DAB1: variants seen among roughly 807,000 people sequenced by gnomAD.
DAB1 encodes the protein disabled homolog 1.
DAB1 carries 15 observed loss-of-function variants against 64.6 expected under a neutral mutation model. The observed-to-expected ratio is 0.23, with a 90% CI of 0.16 to 0.36. The LOEUF (loss-of-function observed/expected upper bound fraction) is 0.36, where lower values mean the gene tolerates loss of function less well. Ranked by LOEUF, DAB1 falls within the 10% of genes least tolerant of loss-of-function variation. DAB1 has a pLI of 1.00. For synonymous variants in DAB1, 235 were observed against 251.9 expected (o/e 0.93, Z 0.64); for missense variants, 596 against 706.7 (o/e 0.84, Z 1.78).
intron 3 of DAB1, among the ~76,000 whole-genome samples, chr1:58,417,434 G>A (rs984414616): frequency 1.3e-5 from 2 of 152,200 alleles, no homozygotes; most frequent in Non-Finnish European, 2.9e-5. Context: ...AGAGAATCTG[G>A]TTGCCTAGTT....
chr1:57,595,020 C>T (rs1645490338), intron 7 of DAB1, among the ~76,000 whole-genome samples: 2 of 152,098 alleles, frequency 1.3e-5, no homozygotes, highest in Non-Finnish European at 2.9e-5. Flanking sequence ...GGAAAAATCA[C>T]AATTCTAACA....
At chr1:57,896,050 T>C (rs1345326775) in intron 5 of DAB1, among the ~76,000 whole-genome samples, 1 of 152,166 alleles carries the variant, frequency 6.6e-6, no homozygotes, top group Non-Finnish European at 1.5e-5. Flanking sequence ...ACTTTGGTAT[T>C]GACAGAGCCA....
At chr1:57,275,863 G>T (rs1373878607) in intron 2 of DAB1, among the ~76,000 whole-genome samples, 2 of 152,148 alleles carry the variant, frequency 1.3e-5, no homozygotes, top group African/African-American at 4.8e-5. Flanking sequence ...TCCGTTCAAG[G>T]ATGAAAATAG....
intron 1 of DAB1, among the ~76,000 whole-genome samples, chr1:57,879,490 A>G (rs760738844): frequency 7.9e-5 from 12 of 152,176 alleles, no homozygotes; most frequent in Non-Finnish European, 1.6e-4. Flanking sequence ...AAATACAGTG[A>G]GTATGCGATT....
intron 1 of DAB1, among the ~76,000 whole-genome samples, chr1:57,354,452 C>T (rs1678894358): frequency 6.6e-6 from 1 of 152,014 alleles, no homozygotes; most frequent in African/African-American, 2.4e-5. Flanking sequence ...AGTAGTATGA[C>T]ATCTTCAATG....
intron 3 of DAB1, among the ~76,000 whole-genome samples, chr1:58,490,795 CTTTTTTTTTTTTTTTT>C (rs148145860): frequency 8.4e-5 from 5 of 59,244 alleles, no homozygotes; most frequent in Non-Finnish European, 1.5e-4. Context: ...AGTCAACATT[CTTTTTTTTTTTTTTTT>C]TTTTTTTTTT....
At chr1:57,926,163 T>C (rs1231019652) in intron 5 of DAB1, among the ~76,000 whole-genome samples, 1 of 152,164 alleles carries the variant, frequency 6.6e-6, no homozygotes, top group African/African-American at 2.4e-5. Flanking sequence ...GCCAAATCAC[T>C]TAATGTTCTT....
chr1:57,925,076 T>A (rs2102028501), intron 5 of DAB1, among the ~76,000 whole-genome samples: 1 of 152,326 alleles, frequency 6.6e-6, no homozygotes, highest in South Asian at 2.1e-4. Context: ...TACAGAATAA[T>A]GGGCTCAAAA....
At chr1:57,125,695 C>T (rs1657073381) in intron 4 of DAB1, among the ~76,000 whole-genome samples, 1 of 152,102 alleles carries the variant, frequency 6.6e-6, no homozygotes, top group African/African-American at 2.4e-5. Flanking sequence ...TATACACAAG[C>T]TTTAATACAT....
chr1:58,405,335 T>G (rs776423530), intron 3 of DAB1, among the ~76,000 whole-genome samples: 6 of 152,172 alleles, frequency 3.9e-5, no homozygotes, highest in Non-Finnish European at 8.8e-5. Flanking sequence ...CTTATCTTCT[T>G]TCAGAGCACT....
intron 14 of DAB1, among the ~76,000 whole-genome samples, chr1:57,008,668 T>G (rs902873739): frequency 6.6e-6 from 1 of 152,214 alleles, no homozygotes; most frequent in Non-Finnish European, 1.5e-5. Context: ...GATGCTGAAC[T>G]CAAACAATGT....
intron 5 of DAB1, among the ~76,000 whole-genome samples, chr1:58,025,065 C>T (rs370811088): frequency 7.7e-4 from 117 of 151,826 alleles, no homozygotes; most frequent in African/African-American, 2.7e-3. Flanking sequence ...TCTCTCTCTC[C>T]CCTTTCCCTC....
chr1:58,462,453 G>A (rs1484163957), intron 3 of DAB1: 3 of 152,104 alleles, frequency 2.0e-5, no homozygotes, highest in African/African-American at 7.2e-5. Context: ...TCAATCCCAA[G>A]GCATCTCAAC....
At chr1:58,037,415 C>T (rs980279629) in intron 5 of DAB1, among the ~76,000 whole-genome samples, 1 of 152,308 alleles carries the variant, frequency 6.6e-6, no homozygotes, top group Admixed American at 6.5e-5. Flanking sequence ...CAGTTAGGAA[C>T]TGGGCTGCAC....
chr1:57,308,791 T>C (rs1273858198), intron 1 of DAB1, among the ~76,000 whole-genome samples: 1 of 152,204 alleles, frequency 6.6e-6, no homozygotes, highest in African/African-American at 2.4e-5. Flanking sequence ...TTTTAAAGAC[T>C]GAGCAACTGA....
At chr1:57,554,227 C>T (rs1291397584) in intron 7 of DAB1, among the ~76,000 whole-genome samples, 1 of 152,136 alleles carries the variant, frequency 6.6e-6, no homozygotes, top group African/African-American at 2.4e-5. Context: ...CCATATAATC[C>T]AATAATCTTG....
In DAB1 at chr1:58,029,482, A is replaced by G. The variant is rs139631571; in HGVS notation, n.387+121029T>C. ...GAACAGGGGTGTTGTCTCAAAAACA[A>G]TCTTGAAGTTATAGCTGTACCTTAA... On this transcript the variant is annotated intron_variant and non_coding_transcript_variant, in intron 5 of 20. Coordinates refer to the DAB1 transcript ENST00000485760. Among the ~76,000 whole-genome samples the G allele has an allele frequency of 9.2e-3, 1,408 of 152,260 alleles. 18 individuals are homozygous for G. The highest frequency in any genetic ancestry group is 0.024 in the South Asian group (114 of 4,814).
chr1:57,594,709 CTTAT>C (rs761058803), intron 7 of DAB1, among the ~76,000 whole-genome samples: 1 of 151,992 alleles, frequency 6.6e-6, no homozygotes, highest in Non-Finnish European at 1.5e-5. Context: ...TATTTATATA[CTTAT>C]TTATTTATTT....
chr1:57,581,022 G>C (rs1645306399), intron 7 of DAB1, among the ~76,000 whole-genome samples: 1 of 152,202 alleles, frequency 6.6e-6, no homozygotes, highest in Non-Finnish European at 1.5e-5. Flanking sequence ...CAAAGCAAGA[G>C]GCCTGTCTAC....
Sources: gnomAD v4.1 joint callset for allele counts (sites outside exome capture counted in the v4.1 genomes callset) on GRCh38, gnomAD v4.1.1 for gene constraint, MANE v1.5 for transcripts, NCBI Gene and HGNC (gene_info 2026-07-23, HGNC 2026-07-21) for gene names.